Variants in GABRA2 observed in about 807,000 individuals in gnomAD.
GABRA2 encodes gamma-aminobutyric acid receptor subunit alpha-2.
In GABRA2, 16 loss-of-function variants were observed where a neutral mutation model predicts 48.7. That is an observed-to-expected ratio of 0.33 (90% confidence interval 0.22 to 0.50). The LOEUF is 0.50. Ranked by LOEUF, GABRA2 falls within the 20% of genes least tolerant of loss-of-function variation. GABRA2 has a pLI of 0.98. For missense variants in GABRA2, 275 were observed against 535.6 expected (o/e 0.51, Z 4.80); for synonymous variants, 185 against 184.5 (o/e 1.00, Z -0.02).
At chr4:46,330,591 T>TATATAGAG (rs1411755120) in intron 4 of GABRA2, among the ~76,000 whole-genome samples, 6 of 122,690 alleles carry the variant, frequency 4.9e-5, no homozygotes, top group African/African-American at 8.4e-5. Flanking sequence ...TATATATATA[T>TATATAGAG]AGAGAGAGAG....
At chr4:46,265,600 A>C (rs1413991316) in intron 8 of GABRA2, among the ~76,000 whole-genome samples, 1 of 150,808 alleles carries the variant, frequency 6.6e-6, no homozygotes, top group East Asian at 2.0e-4. Flanking sequence ...GGCTAAAAGT[A>C]AGTCAATGTT....
At chr4:46,388,255 T>G (rs922599568) in intron 2 of GABRA2, among the ~76,000 whole-genome samples, 2 of 152,180 alleles carry the variant, frequency 1.3e-5, no homozygotes, top group African/African-American at 4.8e-5. Context: ...AAAAATTAGT[T>G]AACACTCAAA....
intron 8 of GABRA2, among the ~76,000 whole-genome samples, chr4:46,286,729 A>T (rs535890): frequency 0.62 from 94,579 of 151,990 alleles, 30,120 homozygotes; most frequent in South Asian, 0.76. Flanking sequence ...ATGTGCTTAT[A>T]TGTCAGTTGT....
intron 6 of GABRA2, 101 bp downstream of exon 6, chr4:46,310,072 A>G (rs965924215): frequency 1.7e-5 from 13 of 765,058 alleles, no homozygotes; most frequent in African/African-American, 1.2e-4. Flanking sequence ...ACAATTGTCA[A>G]TCATCTCATA....
chr4:46,310,062 A>G, intron 6 of GABRA2, 111 bp downstream of exon 6: 1 of 700,814 alleles, frequency 1.4e-6, no homozygotes, highest in Non-Finnish European at 2.5e-6. Context: ...AGTCTTATTG[A>G]CAATTGTCAA....
chr4:46,265,401 ATTGTGTATATATATAAT>A, intron 8 of GABRA2, among the ~76,000 whole-genome samples: 1 of 133,430 alleles, frequency 7.5e-6, no homozygotes, highest in African/African-American at 2.8e-5. Context: ...TATATAATAT[ATTGTGTATATATATAAT>A]ATATTGTGTA....
At chr4:46,305,929 T>A (rs781739766) in intron 6 of GABRA2, among the ~76,000 whole-genome samples, 1 of 152,198 alleles carries the variant, frequency 6.6e-6, no homozygotes, top group Non-Finnish European at 1.5e-5. Flanking sequence ...GTATATTCAT[T>A]GCAACCACTT....
chr4:46,281,133 G>C (rs1721454847), intron 8 of GABRA2, among the ~76,000 whole-genome samples: 1 of 152,172 alleles, frequency 6.6e-6, no homozygotes, highest in Non-Finnish European at 1.5e-5. Context: ...TCTAGGGTAT[G>C]AGCAAAGCTA....
chr4:46,270,714 T>G (rs985035195), intron 8 of GABRA2, among the ~76,000 whole-genome samples: 4 of 152,062 alleles, frequency 2.6e-5, no homozygotes, highest in African/African-American at 9.7e-5. Flanking sequence ...TATTTTGGTT[T>G]ATTTTACATA....
chr4:46,347,253 G>T (rs1332214263), intron 3 of GABRA2, among the ~76,000 whole-genome samples: 1 of 151,762 alleles, frequency 6.6e-6, no homozygotes, highest in African/African-American at 2.4e-5. Context: ...CTTAAAACTT[G>T]TATAAAATGA....
intron 3 of GABRA2, among the ~76,000 whole-genome samples, chr4:46,356,687 A>T (rs1736025598): frequency 6.6e-6 from 1 of 152,160 alleles, no homozygotes; most frequent in Non-Finnish European, 1.5e-5. Flanking sequence ...CTATTTTCTG[A>T]GATGAGCAGA....
intron 3 of GABRA2, among the ~76,000 whole-genome samples, chr4:46,336,089 T>C (rs1732184652): frequency 6.6e-6 from 1 of 152,202 alleles, no homozygotes; most frequent in Non-Finnish European, 1.5e-5. Flanking sequence ...GAACAGGGAC[T>C]GCACTATTTC....
intron 3 of GABRA2, among the ~76,000 whole-genome samples, chr4:46,350,519 G>A (rs1234797927): frequency 6.6e-6 from 1 of 151,316 alleles, no homozygotes; most frequent in African/African-American, 2.4e-5. Flanking sequence ...ATACATACCT[G>A]TATATAAATA....
At position 46,265,355 on chromosome 4, in the gene GABRA2, C is replaced by CTGTGTG. The variant is rs67846908; in HGVS notation, c.857-3233_857-3228dup. Reference sequence around the variant, plus strand: ...GCGCCTTGCCACTTTATATATGTATCTGTGTGTGTGTGTGTGTGTGTGTGT... The same window carrying CTGTGTG: ...GCGCCTTGCCACTTTATATATGTATCTGTGTGTGTGTGTGTGTGTGTGTGTGTGTGT... On this transcript the variant is annotated intron_variant, in intron 8 of 9. Transcript: ENST00000381620. Among the ~76,000 whole-genome samples, 48 of 137,484 alleles carry CTGTGTG rather than the reference C, an allele frequency of 3.5e-4. 1 individual carries two copies. In the East Asian group the frequency reaches 7.1e-3, roughly 20 times the overall value. 90.2% of individuals were successfully genotyped at this position (137,484 alleles called of 152,430 possible).
At chr4:46,302,323 G>A (rs1234395897) in intron 8 of GABRA2, among the ~76,000 whole-genome samples, 1 of 152,008 alleles carries the variant, frequency 6.6e-6, no homozygotes, top group African/African-American at 2.4e-5. Context: ...GGCCTCCAAC[G>A]TGCTAGGACT....
At chr4:46,317,557 C>G (rs1006996670) in intron 4 of GABRA2, among the ~76,000 whole-genome samples, 1 of 151,566 alleles carries the variant, frequency 6.6e-6, no homozygotes, top group African/African-American at 2.4e-5. Context: ...ATCAGTGTAC[C>G]GTGATTGTGC....
intron 3 of GABRA2, among the ~76,000 whole-genome samples, chr4:46,354,963 G>C (rs1424120449): frequency 6.6e-6 from 1 of 152,114 alleles, no homozygotes; most frequent in East Asian, 1.9e-4. Flanking sequence ...GAGAGGAGAA[G>C]AGATCTGGAT....
At chr4:46,307,096 T>C (rs1028047277) in intron 6 of GABRA2, among the ~76,000 whole-genome samples, 1 of 152,048 alleles carries the variant, frequency 6.6e-6, no homozygotes, top group Non-Finnish European at 1.5e-5. Flanking sequence ...TATATGTATA[T>C]TTATATATAT....
At chr4:46,280,445 G>T (rs1473346006) in intron 8 of GABRA2, among the ~76,000 whole-genome samples, 1 of 152,040 alleles carries the variant, frequency 6.6e-6, no homozygotes, top group Non-Finnish European at 1.5e-5. Flanking sequence ...GGTGGCAGAA[G>T]TTCAACTTTG....
Sources: allele counts gnomAD v4.1 joint callset (sites outside exome capture counted in the v4.1 genomes callset), GRCh38; gene constraint gnomAD v4.1.1; transcripts MANE v1.5; gene names NCBI Gene and HGNC (gene_info 2026-07-23, HGNC 2026-07-21).